The following GPATCH2 variants were observed in gnomAD, a reference collection of about 807,000 sequenced individuals.
GPATCH2 encodes G patch domain-containing protein 2.
GPATCH2 carries 51 observed loss-of-function variants against 58.0 expected under a neutral mutation model. The observed-to-expected ratio is 0.88, with a 90% CI of 0.70 to 1.11. The LOEUF is 1.11. Among genes scored for constraint, GPATCH2 ranks in the 50% most tolerant of loss-of-function variants. The pLI, the probability that GPATCH2 is intolerant of heterozygous loss-of-function variation, is 0.00. For missense variants in GPATCH2, 625 were observed against 652.2 expected (o/e 0.96, Z 0.45); for synonymous variants, 222 against 218.5 (o/e 1.02, Z -0.14).
chr1:217,609,247 G>C, intron 5 of GPATCH2: 2 of 983,500 alleles, frequency 2.0e-6, no homozygotes, highest in Non-Finnish European at 1.2e-6. Flanking sequence ...AAGTATTTCT[G>C]ACACTCACAG....
At chr1:217,511,817 CTGTGTG>C (rs35836441) in intron 6 of GPATCH2, among the ~76,000 whole-genome samples, 8,974 of 149,010 alleles carry the variant, frequency 0.06, 387 homozygotes, top group Middle Eastern at 0.13. Flanking sequence ...AACTGGAAGT[CTGTGTG>C]TGTGTGTGTG....
At chr1:217,575,398 T>A (rs1178141856) in intron 5 of GPATCH2, among the ~76,000 whole-genome samples, 2 of 152,186 alleles carry the variant, frequency 1.3e-5, no homozygotes, top group Non-Finnish European at 2.9e-5. Context: ...TCTAGGTTTA[T>A]GTCAATTTTG....
At chr1:217,587,500 C>T (rs533582227) in intron 5 of GPATCH2, among the ~76,000 whole-genome samples, 1 of 152,210 alleles carries the variant, frequency 6.6e-6, no homozygotes, top group Admixed American at 6.5e-5. Flanking sequence ...AACCAGCAGG[C>T]AAAGGAGAAC....
chr1:217,590,649 G>C (rs894076759), intron 5 of GPATCH2, among the ~76,000 whole-genome samples: 8 of 152,092 alleles, frequency 5.3e-5, no homozygotes, highest in Admixed American at 6.5e-5. Context: ...TATTCGACCA[G>C]GGAATGCACT....
intron 5 of GPATCH2, chr1:217,608,296 T>C: frequency 1.0e-6 from 1 of 980,810 alleles, no homozygotes; most frequent in Non-Finnish European, 1.2e-6. Flanking sequence ...AGGAGTCCAT[T>C]GTCTTCAGTA....
At chr1:217,496,768 C>T (rs920184632) in intron 7 of GPATCH2, among the ~76,000 whole-genome samples, 2 of 152,036 alleles carry the variant, frequency 1.3e-5, no homozygotes, top group East Asian at 3.9e-4. Context: ...GAAACCTAAC[C>T]CTGTATTTCC....
chr1:217,503,354 A>G (rs1341409492), intron 6 of GPATCH2, among the ~76,000 whole-genome samples: 3 of 152,160 alleles, frequency 2.0e-5, no homozygotes, highest in Admixed American at 2.0e-4. Flanking sequence ...ACTGTAATCT[A>G]TTCTTTCTAG....
At chr1:217,484,491 G>A (rs1249521814) in intron 8 of GPATCH2, among the ~76,000 whole-genome samples, 1 of 150,530 alleles carries the variant, frequency 6.6e-6, no homozygotes, top group African/African-American at 2.4e-5. Flanking sequence ...AAGATCTTGG[G>A]ACTTCTCTGT....
rs1406975876 is a variant in GPATCH2, at chr1:217,544,137, G to A, written c.1099-29248C>T. On this transcript the variant is annotated intron_variant, in intron 5 of 9. Coordinates refer to ENST00000366935, the MANE Select transcript of GPATCH2 (RefSeq NM_018040.5). Reference sequence around the variant, plus strand: ...AACCTGGGCACAGTGGCTCATGTCTGTAATCCCAGCACTTTGGGAGGCTGA... The same window carrying A: ...AACCTGGGCACAGTGGCTCATGTCTATAATCCCAGCACTTTGGGAGGCTGA... Among the ~76,000 whole-genome samples, 5 of 152,330 alleles carry A rather than the reference G, an allele frequency of 3.3e-5. No homozygotes were observed. The East Asian group carries it at 9.6e-4, about 29-fold the overall frequency.
chr1:217,512,857 C>G (rs1662922119), intron 6 of GPATCH2, among the ~76,000 whole-genome samples: 2 of 152,204 alleles, frequency 1.3e-5, no homozygotes, highest in Non-Finnish European at 2.9e-5. Context: ...ATGAACATAT[C>G]AGCTGAGATC....
At chr1:217,496,789 A>G (rs951347188) in intron 7 of GPATCH2, among the ~76,000 whole-genome samples, 1 of 152,156 alleles carries the variant, frequency 6.6e-6, no homozygotes, top group Non-Finnish European at 1.5e-5. Context: ...CCTACAAGCA[A>G]TGGTTCAGTA....
At chr1:217,441,385 A>G (rs990073557) in intron 9 of GPATCH2, among the ~76,000 whole-genome samples, 4 of 152,208 alleles carry the variant, frequency 2.6e-5, no homozygotes, top group African/African-American at 9.6e-5. Flanking sequence ...AACATCTAAA[A>G]CCATAAAAAC....
chr1:217,603,735 G>T (rs142468069), intron 5 of GPATCH2, among the ~76,000 whole-genome samples: 1 of 152,010 alleles, frequency 6.6e-6, no homozygotes, highest in East Asian at 1.9e-4. Context: ...TGATTCTCCT[G>T]CTTCTGCCTC....
At chr1:217,477,362 T>G (rs1471755216) in intron 8 of GPATCH2, among the ~76,000 whole-genome samples, 1 of 152,146 alleles carries the variant, frequency 6.6e-6, no homozygotes, top group African/African-American at 2.4e-5. Flanking sequence ...AAGAGGACTT[T>G]GTCTTGCACC....
intron 7 of GPATCH2, among the ~76,000 whole-genome samples, chr1:217,494,333 A>G (rs1321802917): frequency 6.6e-6 from 1 of 152,236 alleles, no homozygotes; most frequent in African/African-American, 2.4e-5. Flanking sequence ...AGATAAAACT[A>G]CAGAGATCTC....
chr1:217,602,647 A>C (rs1026367958), intron 5 of GPATCH2, among the ~76,000 whole-genome samples: 1 of 152,170 alleles, frequency 6.6e-6, no homozygotes, highest in African/African-American at 2.4e-5. Flanking sequence ...AGCAGACCAG[A>C]AGGTGCTAGA....
At position 217,505,190 on chromosome 1, in the gene GPATCH2, C is replaced by T. The variant is rs141569225; in HGVS notation, c.1167-6795G>A. ...ATGTGGTTTCCAAATTCAGTTCTCC[C>T]CCTAGGACATAGACGCAGTTTAGAG... On this transcript the variant is annotated intron_variant, in intron 6 of 9. Transcript: ENST00000366935. Among the ~76,000 whole-genome samples the T allele has an allele frequency of 2.0e-3, 304 of 152,208 alleles. 6 individuals carry two copies. The East Asian group carries it at 0.031, about 15-fold the overall frequency.
At chr1:217,609,480 CTAATTT>C in intron 5 of GPATCH2, 2 of 983,880 alleles carry the variant, frequency 2.0e-6, no homozygotes, top group East Asian at 2.3e-4. Context: ...ATCACTGTGG[CTAATTT>C]AAAACGAGGA....
intron 5 of GPATCH2, among the ~76,000 whole-genome samples, chr1:217,520,549 C>T (rs191496629): frequency 7.4e-4 from 112 of 152,190 alleles, no homozygotes; most frequent in African/African-American, 2.6e-3. Flanking sequence ...TGAACTAGGA[C>T]CTATATAGTA....
Sources: allele counts gnomAD v4.1 joint callset (sites outside exome capture counted in the v4.1 genomes callset), GRCh38; gene constraint gnomAD v4.1.1; transcripts MANE v1.5; gene names NCBI Gene and HGNC (gene_info 2026-07-23, HGNC 2026-07-21).